The following CA1 variants were observed in gnomAD, a reference collection of about 807,000 sequenced individuals.
The protein encoded by CA1 is carbonate dehydratase I.
Under a neutral mutation model 28.8 loss-of-function variants are expected in CA1, and 27 were observed. That is an observed-to-expected ratio of 0.94 (90% CI 0.69 to 1.29). The LOEUF is 1.29. CA1 is among the 50% of genes most tolerant of loss of function. The pLI, the probability that CA1 is intolerant of heterozygous loss-of-function variation, is 0.00. For missense variants in CA1, 335 were observed against 310.5 expected (o/e 1.08, Z -0.59); for synonymous variants, 121 against 108.8 (o/e 1.11, Z -0.70).
chr8:85,337,963 A>G, intron 3 of CA1: 1 of 515,344 alleles, frequency 1.9e-6, no homozygotes. Context: ...TTTCTGGATA[A>G]ATGCTGTTTA....
chr8:85,328,455 T>G lies in CA1; in HGVS notation c.*105A>C, dbSNP rs756082827. 151 of 721,178 alleles carry G rather than the reference T, an allele frequency of 2.1e-4. No individual in the cohort carries two copies. Among genetic ancestry groups the G allele is most frequent in the Non-Finnish European group, 3.2e-4 (131 of 404,558 alleles). 44.7% of individuals were successfully genotyped at this position (721,178 alleles called of 1,614,324 possible). A position where few individuals can be genotyped will look rare whatever the true frequency, so the allele number is the denominator to read the frequency against. ...AGATTGATTTGAAGGCATGCTGTCT[T>G]GCTAATATTGAAATAAATTTATTTC... On this transcript the variant is annotated 3_prime_UTR_variant, in exon 8 of 8. Transcript: ENST00000523022.
At chr8:85,369,601 C>T (rs767789265) in intron 1 of CA1, among the ~76,000 whole-genome samples, 27 of 152,126 alleles carry the variant, frequency 1.8e-4, no homozygotes, top group Non-Finnish European at 7.4e-5. Flanking sequence ...AGATGTTTAG[C>T]CAGAGCAGCT....
intron 1 of CA1, among the ~76,000 whole-genome samples, chr8:85,367,407 C>T (rs1303747321): frequency 6.6e-6 from 1 of 151,846 alleles, no homozygotes; most frequent in Non-Finnish European, 1.5e-5. Context: ...TGAAAAAAAC[C>T]AAGGGAGTCA....
At chr8:85,338,716 CTTTTTTT>C (rs56775953) in intron 2 of CA1, among the ~76,000 whole-genome samples, 2 of 114,350 alleles carry the variant, frequency 1.7e-5, no homozygotes, top group Non-Finnish European at 3.6e-5. Context: ...CTTTCTCTCT[CTTTTTTT>C]TTTTTTTTTT....
At chr8:85,338,664 C>A (rs1808776125) in intron 2 of CA1, among the ~76,000 whole-genome samples, 1 of 101,062 alleles carries the variant, frequency 9.9e-6, no homozygotes, top group African/African-American at 3.7e-5. Context: ...TTCTTTCTTT[C>A]TTTCTTTCTT....
intron 2 of CA1, among the ~76,000 whole-genome samples, chr8:85,339,647 C>G (rs1245313919): frequency 1.3e-5 from 2 of 152,290 alleles, no homozygotes; most frequent in South Asian, 4.1e-4. Context: ...AGAGTTGAGA[C>G]AGGCCAAAAA....
intron 1 of CA1, among the ~76,000 whole-genome samples, chr8:85,344,333 T>C (rs537951368): frequency 2.2e-5 from 3 of 136,850 alleles, no homozygotes; most frequent in African/African-American, 8.0e-5. Context: ...TAATATATAA[T>C]TTGAATTTAT....
intron 1 of CA1, among the ~76,000 whole-genome samples, chr8:85,346,684 C>T (rs1809204325): frequency 6.6e-6 from 1 of 152,144 alleles, no homozygotes; most frequent in African/African-American, 2.4e-5. Context: ...ATCGCTTGAA[C>T]CCGGGAGCCA....
intron 1 of CA1, among the ~76,000 whole-genome samples, chr8:85,375,844 C>T (rs1229909959): frequency 6.6e-6 from 1 of 152,066 alleles, no homozygotes; most frequent in East Asian, 1.9e-4. Context: ...TTCTGAGATA[C>T]AGTATTCAGT....
At position 85,333,572 on chromosome 8, in the gene CA1, C is replaced by CTGAA; in HGVS notation, c.402_403insTTCA (p.Ala135PhefsTer7). ...GCCAAACCATCAGCCTTTGAGGCAGCTTCAGCAAGGCTGGAGTACTTTGCA... is the reference window on the plus strand; with the variant it reads ...GCCAAACCATCAGCCTTTGAGGCAGCTGAATTCAGCAAGGCTGGAGTACTTTGCA... On this transcript the variant is annotated frameshift_variant, in exon 5 of 8. Coordinates refer to ENST00000523022, the MANE Select transcript of CA1 (RefSeq NM_001128831.4). LOFTEE classifies it high-confidence loss of function. 1.2e-6 allele frequency: 2 copies of CTGAA among 1,613,016 alleles called. No individual in the cohort carries two copies. The highest frequency in any genetic ancestry group is 2.2e-5 in the South Asian group (2 of 91,058).
rs187231913 is a variant in CA1, at chr8:85,345,543, C to T, written c.-24-3884G>A. Among the ~76,000 whole-genome samples the T allele has an allele frequency of 1.3e-4, 20 of 152,104 alleles. No individual in the cohort carries two copies. The East Asian group carries it at 3.9e-3, about 29-fold the overall frequency. On this transcript the variant is annotated intron_variant, in intron 1 of 7. Transcript: ENST00000523022. The stretch of plus-strand genomic sequence containing the variant: ...CATGTTCTCTTCATCTATAATATGC[C>T]TGGAAAACAGTGGTGCTCAATAGAC...
intron 1 of CA1, among the ~76,000 whole-genome samples, chr8:85,344,972 G>A (rs978887943): frequency 1.3e-5 from 2 of 152,172 alleles, no homozygotes; most frequent in Non-Finnish European, 2.9e-5. Flanking sequence ...TCTAGAGATG[G>A]TATCATTTGG....
intron 1 of CA1, among the ~76,000 whole-genome samples, chr8:85,350,528 G>A (rs1175385482): frequency 6.6e-6 from 1 of 152,164 alleles, no homozygotes; most frequent in African/African-American, 2.4e-5. Flanking sequence ...CTTTAAGACT[G>A]TCCCGGACTC....
chr8:85,333,682 T>C (rs1475176248), intron 4 of CA1, 62 bp from the exon 5 acceptor site: 1 of 1,061,668 alleles, frequency 9.4e-7, no homozygotes, highest in Non-Finnish European at 1.4e-6. Context: ...AGATAAGTTA[T>C]AAGTTAACTT....
At chr8:85,344,990 A>T (rs1809121157) in intron 1 of CA1, among the ~76,000 whole-genome samples, 1 of 152,228 alleles carries the variant, frequency 6.6e-6, no homozygotes. Context: ...TGGGGTGGCA[A>T]GATAAATCTT....
intron 1 of CA1, among the ~76,000 whole-genome samples, chr8:85,367,390 A>G (rs964308939): frequency 6.6e-6 from 1 of 152,176 alleles, no homozygotes; most frequent in Non-Finnish European, 1.5e-5. Context: ...AAAGAAATGT[A>G]CTTGTTTGAA....
chr8:85,346,728 C>T (rs1399961350), intron 1 of CA1, among the ~76,000 whole-genome samples: 2 of 151,962 alleles, frequency 1.3e-5, no homozygotes, highest in Admixed American at 6.6e-5. Flanking sequence ...CACTGCTGCA[C>T]GCCAGCCTGG....
chr8:85,351,867 A>G (rs1280464466), intron 1 of CA1: 6 of 152,220 alleles, frequency 3.9e-5, no homozygotes, highest in Admixed American at 3.9e-4. Context: ...TAAATGACAT[A>G]CCATAAAGAT....
rs372303814 is a variant in CA1, at chr8:85,341,620, A to C, written c.16T>G (p.Trp6Gly). 2 of 1,598,190 alleles carry C rather than the reference A, an allele frequency of 1.3e-6. No homozygotes were observed. The highest frequency in any genetic ancestry group is 2.2e-5 in the East Asian group (1 of 44,702). Residue 6 changes from tryptophan (W) to glycine (G), a missense_variant, in exon 2 of 8, where the codon TGG becomes GGG. Physicochemically the swap from Trp to Gly is radical, Grantham distance 184. Coordinates refer to ENST00000523022, the MANE Select transcript of CA1 (RefSeq NM_001128831.4). MASPD[W>G]GYDDKNGPEQ... is the part of the protein sequence containing the mutation. ...TTACCATTTTTGTCATCATATCCCC[A>C]GTCTGGACTTGCCATTATCTTCTAC...
Sources: allele counts gnomAD v4.1 joint callset (sites outside exome capture counted in the v4.1 genomes callset), GRCh38; gene constraint gnomAD v4.1.1; transcripts MANE v1.5; gene names NCBI Gene and HGNC (gene_info 2026-07-23, HGNC 2026-07-21).